ATAD3A: variants seen among roughly 807,000 people sequenced by gnomAD.
The protein encoded by ATAD3A is ATPase family AAA domain-containing protein 3A.
ATAD3A carries 46 observed loss-of-function variants against 73.8 expected under a neutral mutation model. The observed-to-expected ratio is 0.62, with a 90% CI of 0.49 to 0.80. ATAD3A has a LOEUF of 0.80. Among genes scored for constraint, ATAD3A ranks in the 30% least tolerant of loss-of-function variants. The pLI is 0.00. For synonymous variants in ATAD3A, 319 were observed against 350.0 expected (o/e 0.91, Z 0.99); for missense variants, 705 against 838.0 (o/e 0.84, Z 1.96).
At position 1,525,716 on chromosome 1, in the gene ATAD3A, T is replaced by C. The variant is rs1210163636; in HGVS notation, c.1266+425T>C. On this transcript the variant is annotated intron_variant, in intron 12 of 15. Transcript: ENST00000378756. Reference sequence around the variant, plus strand: ...GGCGTGAGCCACCACGCCCAGCCTTTTAATTATCATTCTAAGACAGGGTCT... The same window carrying C: ...GGCGTGAGCCACCACGCCCAGCCTTCTAATTATCATTCTAAGACAGGGTCT... Among the ~76,000 whole-genome samples, 4 of 152,120 alleles carry C rather than the reference T, an allele frequency of 2.6e-5. No individual in the cohort carries two copies. The East Asian group carries it at 7.7e-4, about 29-fold the overall frequency.
chr1:1,527,464 G>T (rs1641887950), intron 13 of ATAD3A, among the ~76,000 whole-genome samples: 1 of 152,230 alleles, frequency 6.6e-6, no homozygotes, highest in South Asian at 2.1e-4. Flanking sequence ...TGCCTATCAG[G>T]CTGGGCGAGG....
chr1:1,523,492 T>C lies in ATAD3A; in HGVS notation c.907-19T>C. 6.2e-7 allele frequency: 1 copy of C among 1,609,988 alleles called. No homozygotes were observed. The highest frequency in any genetic ancestry group is 8.5e-7 in the Non-Finnish European group (1 of 1,178,642). On this transcript the variant is annotated intron_variant, in intron 8 of 15. Coordinates refer to ENST00000378756, the MANE Select transcript of ATAD3A (RefSeq NM_001170535.3). This position sits in a 1 kb window ranked among gnomAD's most constrained non-coding sequence, Gnocchi z 5.1. ...CTGTGGCAGGTGACCCGATGGCGCT[T>C]CCCCTTCCCCTCCGGCAGGTCAGCC...
intron 2 of ATAD3A, 155 bp from the exon 3 acceptor site, chr1:1,517,156 C>G (rs1037029795): frequency 1.3e-6 from 2 of 1,548,796 alleles, no homozygotes; most frequent in Non-Finnish European, 1.7e-6. Flanking sequence ...AGGGCCTGAT[C>G]CTGGGTGCAG....
rs770982421 is a variant in ATAD3A at position 1,523,554 on chromosome 1, G to A, written c.950G>A (p.Gly317Asp). 6.2e-7 allele frequency: 1 copy of A among 1,613,052 alleles called. No individual in the cohort carries two copies. The highest frequency in any genetic ancestry group is 1.1e-5 in the South Asian group (1 of 91,010). ...AGTCGACCCCAGGACGCGCTGGAGG[G>A]TGTTGTGCTCAGTGTAAGTCGGTGT... ...LLSRPQDALE[G>D]VVLSPSLEAR... Residue 317 changes from glycine to aspartate, a missense_variant, in exon 9 of 16, where the codon GGT (glycine) becomes GAT (aspartate). Around this residue, in one of 5 missense-constraint regions of ATAD3A, gnomAD observed 315 missense variants for 334.1 expected, o/e 0.94. Coordinates refer to ENST00000378756, the MANE Select transcript of ATAD3A (RefSeq NM_001170535.3). The surrounding 1 kb of genome is among the most constrained non-coding windows in gnomAD (Gnocchi z 5.1).
chr1:1,524,975 C>T (rs575273011), intron 11 of ATAD3A, among the ~76,000 whole-genome samples: 67 of 152,266 alleles, frequency 4.4e-4, no homozygotes, highest in East Asian at 1.4e-3. Flanking sequence ...TGCACTGGGC[C>T]GGGTGGGGGT....
At chr1:1,529,717 G>A (rs1004173207) in intron 15 of ATAD3A, among the ~76,000 whole-genome samples, 1 of 152,352 alleles carries the variant, frequency 6.6e-6, no homozygotes. Context: ...GGGGTGGAGG[G>A]ACATTGTGTT....
At chr1:1,518,453 A>G (rs1570325999) in intron 4 of ATAD3A, among the ~76,000 whole-genome samples, 1 of 71,198 alleles carries the variant, frequency 1.4e-5, no homozygotes, top group Admixed American at 1.8e-4. Flanking sequence ...GCGCGCGTAC[A>G]CCCCCCTATA....
Position 1,520,454 on chromosome 1 carries a change from G to A in ATAD3A, c.681-94G>A, listed in dbSNP as rs1005434726. 1.1e-4 allele frequency: 184 copies of A among 1,607,616 alleles called. No individual in the cohort carries two copies. The highest frequency in any genetic ancestry group is 1.4e-4 in the Non-Finnish European group (169 of 1,175,384). On this transcript the variant is annotated intron_variant, in intron 6 of 15. Transcript: ENST00000378756. The surrounding 1 kb of genome is among the most constrained non-coding windows in gnomAD (Gnocchi z 4.0). ...ACTGCCCCTCTGTCCTGGCAAGGCC[G>A]TGCCGCCATGTCAGGGCCTCACCCT...
Position 1,527,854 on chromosome 1 carries a change from A to T in ATAD3A, c.1497A>T (p.Glu499Asp), listed in dbSNP as rs751785231. The T allele has an allele frequency of 1.9e-6, 3 of 1,612,930 alleles. No individual in the cohort carries two copies. Among genetic ancestry groups the T allele is most frequent in the Non-Finnish European group, 2.5e-6 (3 of 1,179,376 alleles). ...FDKYVLKPAT[E>D]GKQRLKLAQF... The stretch of plus-strand genomic sequence containing the variant: ...AGTATGTTCTTAAGCCGGCCACAGA[A>T]GGAAAGCAGTAAGTGTCCCGCCCCA... Residue 499 changes from glutamate to aspartate, a missense_variant, in exon 14 of 16, where the codon GAA becomes GAT. Transcript: ENST00000378756.
intron 15 of ATAD3A, 93 bp downstream of exon 15, chr1:1,529,424 G>C (rs1295244120): frequency 2.0e-6 from 3 of 1,494,076 alleles, no homozygotes; most frequent in Non-Finnish European, 2.7e-6. Context: ...CCGGTGTCAC[G>C]CGGGAGCTTC....
chr1:1,513,260 T>G (rs1641256307), intron 1 of ATAD3A, among the ~76,000 whole-genome samples: 1 of 151,990 alleles, frequency 6.6e-6, no homozygotes, highest in Non-Finnish European at 1.5e-5. Flanking sequence ...CAGGCTTATT[T>G]GGAGGGTTCC....
At position 1,520,591 on chromosome 1, in the gene ATAD3A, A is replaced by G; in HGVS notation, c.724A>G (p.Thr242Ala). 1 of 1,613,674 alleles carries G rather than the reference A, an allele frequency of 6.2e-7. No individual in the cohort carries two copies. The highest frequency in any genetic ancestry group is 8.5e-7 in the Non-Finnish European group (1 of 1,179,880). ...LFGEGFRAFV[T>A]DWDKVTATVA... is the part of the protein sequence containing the mutation. The stretch of plus-strand genomic sequence containing the variant: ...TGGGGAAGGATTCCGTGCCTTTGTG[A>G]CAGACTGGGACAAAGTGACAGCCAC... The change falls in exon 7 of 16, where the codon ACA (threonine) becomes GCA (alanine). Residue 242 changes from threonine (T) to alanine (A), a missense_variant. By Grantham distance (58) the Thr-to-Ala change is moderately conservative. This residue lies in a region of ATAD3A where 315 missense variants were observed against 334.1 expected (regional missense o/e 0.94). Coordinates refer to ENST00000378756, the MANE Select transcript of ATAD3A (RefSeq NM_001170535.3). The surrounding 1 kb of genome is among the most constrained non-coding windows in gnomAD (Gnocchi z 4.0).
At chr1:1,533,227 T>A (rs1012706662) in intron 15 of ATAD3A, among the ~76,000 whole-genome samples, 2 of 152,150 alleles carry the variant, frequency 1.3e-5, no homozygotes, top group African/African-American at 4.8e-5. Context: ...GGTGCGCTCC[T>A]GAGCACGGTG....
At chr1:1,518,292 CCACA>C (rs149530233) in intron 4 of ATAD3A, among the ~76,000 whole-genome samples, 9,680 of 134,600 alleles carry the variant, frequency 0.072, 3 homozygotes, top group East Asian at 0.13. Flanking sequence ...ACGTACCCCC[CCACA>C]CACACACAGG....
intron 12 of ATAD3A, among the ~76,000 whole-genome samples, chr1:1,525,644 G>A (rs1163917040): frequency 1.3e-5 from 2 of 151,990 alleles, no homozygotes; most frequent in African/African-American, 4.8e-5. Context: ...TCGATCTCCT[G>A]ACCTCGTGAT....
intron 15 of ATAD3A, among the ~76,000 whole-genome samples, chr1:1,532,293 C>T (rs1363716165): frequency 6.6e-6 from 1 of 150,670 alleles, no homozygotes; most frequent in Non-Finnish European, 1.5e-5. Flanking sequence ...GAGGGTAATG[C>T]TGGCCTCTTA....
chr1:1,512,878 A>G (rs1349305493), intron 1 of ATAD3A, among the ~76,000 whole-genome samples: 1 of 152,094 alleles, frequency 6.6e-6, no homozygotes, highest in Non-Finnish European at 1.5e-5. Context: ...TTTCCACGTA[A>G]CAAGGGAAGC....
intron 2 of ATAD3A, among the ~76,000 whole-genome samples, 176 bp downstream of exon 2, chr1:1,516,264 G>A (rs924669761): frequency 2.7e-5 from 4 of 145,600 alleles, no homozygotes; most frequent in East Asian, 3.9e-4. Context: ...GGTGAGAGAC[G>A]CTGCCGCAGA....
At chr1:1,533,033 C>T (rs1642086824) in intron 15 of ATAD3A, among the ~76,000 whole-genome samples, 1 of 152,224 alleles carries the variant, frequency 6.6e-6, no homozygotes, top group African/African-American at 2.4e-5. Context: ...AGGGGACGGG[C>T]ACCACGTGGT....
Sources: gnomAD v4.1 joint callset for allele counts (sites outside exome capture counted in the v4.1 genomes callset) on GRCh38, gnomAD v4.1.1 for gene constraint, gnomAD v4.1.1 regional missense constraint, Gnocchi (gnomAD v3.1) non-coding constraint, MANE v1.5 for transcripts, NCBI Gene and HGNC (gene_info 2026-07-23, HGNC 2026-07-21) for gene names.